C2: variants seen among roughly 807,000 people sequenced by gnomAD.
C2 encodes C3/C5 convertase.
A neutral mutation model predicts 85.2 loss-of-function variants in C2; 64 were observed. The ratio of observed to expected loss-of-function variants is 0.75; its 90% CI spans 0.61 to 0.92. The LOEUF (loss-of-function observed/expected upper bound fraction) is 0.92, where lower values mean the gene tolerates loss of function less well. Among genes scored for constraint, C2 ranks in the 40% least tolerant of loss-of-function variants. The pLI is 0.00. For missense variants in C2, 820 were observed against 971.6 expected, an observed-to-expected ratio of 0.84 and a Z score of 2.07; for synonymous variants, 311 against 370.8, an observed-to-expected ratio of 0.84 and a Z score of 1.85.
At chr6:31,897,831 G>A (rs1011541398), upstream of C2, 1 of 1,040,352 alleles carries the variant, frequency 9.6e-7, no homozygotes. Context: ...ACTGTCCTAA[G>A]CTGGGAGCTG....
At chr6:31,912,974 A>C (rs1768223473) in intron 1 of C2, among the ~76,000 whole-genome samples, 1 of 145,776 alleles carries the variant, frequency 6.9e-6, no homozygotes. Flanking sequence ...TGGGAGGATT[A>C]CTTGAGCCCA....
At chr6:31,907,675 A>T (rs1326021121) in intron 1 of C2, among the ~76,000 whole-genome samples, 1 of 149,222 alleles carries the variant, frequency 6.7e-6, no homozygotes, top group Non-Finnish European at 1.5e-5. Flanking sequence ...ACCTTCCTGG[A>T]CTAATTTATT....
chr6:31,939,998 A>C (rs1770755295), intron 9 of C2, among the ~76,000 whole-genome samples: 1 of 151,934 alleles, frequency 6.6e-6, no homozygotes, highest in Non-Finnish European at 1.5e-5. Flanking sequence ...CTGGTGTCAA[A>C]CCCCTGGCCT....
chr6:31,941,984 A>G (rs899951729), intron 9 of C2, among the ~76,000 whole-genome samples: 1 of 151,028 alleles, frequency 6.6e-6, no homozygotes, highest in Non-Finnish European at 1.5e-5. Flanking sequence ...TGTCTGGCTA[A>G]TTTTTGTATT....
intron 6 of C2, chr6:31,934,623 A>C: frequency 7.3e-7 from 1 of 1,378,984 alleles, no homozygotes; most frequent in Non-Finnish European, 9.3e-7. Flanking sequence ...GCAGAAAAAT[A>C]CTGGTGCCCC....
At chr6:31,933,498 G>T in intron 3 of C2, 112 bp from the exon 4 acceptor site, 2 of 1,076,412 alleles carry the variant, frequency 1.9e-6, no homozygotes, top group Admixed American at 2.0e-5. Context: ...ACAGACATGG[G>T]TGCATCCCTG....
Position 31,944,009 on chromosome 6 carries a change from T to C in C2, c.1810+16T>C. The C allele has an allele frequency of 6.2e-7, 1 of 1,611,998 alleles. No individual in the cohort carries two copies. The highest frequency in any genetic ancestry group is 8.5e-7 in the Non-Finnish European group (1 of 1,179,122). ...AGGGACCATGGTGAGTGCTGGGACT[T>C]ATGGTGCTTGAGAGCTGGGGCCGGG... On this transcript the variant is annotated intron_variant, in intron 14 of 17. Coordinates refer to ENST00000299367, the MANE Select transcript of C2 (RefSeq NM_000063.6). The surrounding 1 kb of genome is among the most constrained non-coding windows in gnomAD (Gnocchi z 5.1).
At chr6:31,934,631 C>A in intron 6 of C2, 1 of 1,363,792 alleles carries the variant, frequency 7.3e-7, no homozygotes, top group Non-Finnish European at 9.4e-7. Context: ...ATACTGGTGC[C>A]CCTGTGGAAT....
rs764627900 is a variant in C2, at chr6:31,944,416, C to T, written c.1902+190C>T. ...GTTGTTATTGAGATGGAGTCTTGCTCTGTCTCCCAGGCTGGAGTGCAGTGG... is the reference window on the plus strand; with the variant it reads ...GTTGTTATTGAGATGGAGTCTTGCTTTGTCTCCCAGGCTGGAGTGCAGTGG... On this transcript the variant is annotated intron_variant, in intron 15 of 17. Coordinates refer to ENST00000299367, the MANE Select transcript of C2 (RefSeq NM_000063.6). The surrounding 1 kb of genome is among the most constrained non-coding windows in gnomAD (Gnocchi z 5.1). Among the ~76,000 whole-genome samples the T allele has an allele frequency of 3.3e-4, 51 of 152,280 alleles. No homozygotes were observed. Among genetic ancestry groups the T allele is most frequent in the South Asian group, 6.2e-4 (3 of 4,828 alleles).
upstream of C2, among the ~76,000 whole-genome samples, chr6:31,923,241 C>A (rs531099020): frequency 6.6e-6 from 1 of 152,320 alleles, no homozygotes; most frequent in Admixed American, 6.5e-5. Context: ...ACTGGGCCTC[C>A]TGGAGAGCTG....
chr6:31,944,100 G>A lies in C2; in HGVS notation c.1811-35G>A. The A allele has an allele frequency of 6.3e-7, 1 of 1,595,148 alleles. No individual in the cohort carries two copies. Among genetic ancestry groups the A allele is most frequent in the Non-Finnish European group, 8.6e-7 (1 of 1,163,684 alleles). On this transcript the variant is annotated intron_variant, in intron 14 of 17. Transcript: ENST00000299367. The surrounding 1 kb of genome is among the most constrained non-coding windows in gnomAD (Gnocchi z 5.1). The stretch of plus-strand genomic sequence containing the variant: ...CCAGGAACCTGGATTCTGGGTAAAA[G>A]GACCAGCACCAACATCCCCTTCTCT...
chr6:31,943,885 C>A lies in C2; in HGVS notation c.1734-32C>A. ...AGATCCCTGGAAGAGATACTGGGGA[C>A]AGGCTGGTGTGACCCTTGCTCTTCT... On this transcript the variant is annotated intron_variant, in intron 13 of 17. Coordinates refer to ENST00000299367, the MANE Select transcript of C2 (RefSeq NM_000063.6). This position sits in a 1 kb window ranked among gnomAD's most constrained non-coding sequence, Gnocchi z 6.4. The A allele has an allele frequency of 6.2e-7, 1 of 1,611,656 alleles. No individual in the cohort carries two copies. Among genetic ancestry groups the A allele is most frequent in the Non-Finnish European group, 8.5e-7 (1 of 1,178,960 alleles).
At position 31,906,449 on chromosome 6, in the gene C2, C is replaced by T. The variant is rs1436386076; in HGVS notation, c.73+5310C>T. Among the ~76,000 whole-genome samples, 4 of 151,918 alleles carry T rather than the reference C, an allele frequency of 2.6e-5. No homozygotes were observed. In the East Asian group the frequency reaches 7.7e-4, roughly 29 times the overall value. ...CCCCTCCTACCTCGGAGGGAATTTA[C>T]TCCCTGCAGCCCACCACCTTTGCCA... On this transcript the variant is annotated intron_variant, in intron 1 of 3. Transcript: ENST00000452202.
chr6:31,901,219 C>T (rs1266063882), intron 1 of C2: 4 of 1,613,392 alleles, frequency 2.5e-6, no homozygotes, highest in Non-Finnish European at 2.5e-6. Context: ...AGAACCGCTC[C>T]TCTGCCCGGA....
intron 2 of C2, 130 bp from the exon 3 acceptor site, chr6:31,928,602 C>T (rs978734374): frequency 4.7e-5 from 42 of 886,704 alleles, no homozygotes; most frequent in Non-Finnish European, 7.1e-5. Flanking sequence ...ATGTTGCAAC[C>T]TAATATTTCA....
At chr6:31,939,061 A>C (rs1770668740) in intron 8 of C2, among the ~76,000 whole-genome samples, 170 bp from the exon 9 acceptor site, 1 of 152,196 alleles carries the variant, frequency 6.6e-6, no homozygotes, top group Non-Finnish European at 1.5e-5. Context: ...GGTCTCCCAA[A>C]GTGCTAGGAT....
At position 31,943,671 on chromosome 6, in the gene C2, A is replaced by G. The variant is rs764576684; in HGVS notation, c.1595A>G (p.Glu532Gly). The G allele has an allele frequency of 1.2e-6, 2 of 1,613,016 alleles. No homozygotes were observed. The highest frequency in any genetic ancestry group is 1.7e-6 in the Non-Finnish European group (2 of 1,180,018). The change falls in exon 13 of 18, where the codon GAA (glutamate) becomes GGA (glycine). Residue 532 changes from glutamate (E) to glycine (G), a missense_variant. By Grantham distance (98) the Glu-to-Gly change is moderately conservative. Transcript: ENST00000299367. This position sits in a 1 kb window ranked among gnomAD's most constrained non-coding sequence, Gnocchi z 6.4. ...GACCCCAAATCCCAGTGGGGCAAAG[A>G]ATTCCTTATTGAGAAGGCGGTGATC... ...VGDPKSQWGKEFLIEKAVISP... is the reference protein window; with the variant it reads ...VGDPKSQWGKGFLIEKAVISP...
In C2 at chr6:31,904,611, AC is replaced by A. The variant is rs1189466285; in HGVS notation, c.73+3475del. 1.3e-5 allele frequency among the ~76,000 whole-genome samples: 2 copies of A among 152,130 alleles called. No homozygotes were observed. Among genetic ancestry groups the A allele is most frequent in the African/African-American group, 4.8e-5 (2 of 41,468 alleles). On this transcript the variant is annotated intron_variant, in intron 1 of 3. Transcript: ENST00000452202. The surrounding 1 kb of genome is among the most constrained non-coding windows in gnomAD (Gnocchi z 4.4). The stretch of plus-strand genomic sequence containing the variant: ...TTACAGGCGTGAGCCACTGCGCCTG[AC>A]CCAAAAGAACTTTAAAAATTCTGTT...
chr6:31,933,586 C>T (rs1436834228), intron 3 of C2, 24 bp from the exon 4 acceptor site: 2 of 1,612,508 alleles, frequency 1.2e-6, no homozygotes, highest in Admixed American at 1.7e-5. Flanking sequence ...CTACTCACCT[C>T]TGCCTTCCTT....
Sources: gnomAD v4.1 joint callset for allele counts (sites outside exome capture counted in the v4.1 genomes callset) on GRCh38, gnomAD v4.1.1 for gene constraint, Gnocchi (gnomAD v3.1) non-coding constraint, MANE v1.5 for transcripts, NCBI Gene and HGNC (gene_info 2026-07-23, HGNC 2026-07-21) for gene names.